Variants in ACSF3 observed in about 807,000 individuals in gnomAD.
ACSF3 encodes malonate--CoA ligase ACSF3, mitochondrial.
Under a neutral mutation model 53.2 loss-of-function variants are expected in ACSF3, and 78 were observed. The ratio of observed to expected loss-of-function variants is 1.47; its 90% CI spans 1.22 to 1.77. The LOEUF (loss-of-function observed/expected upper bound fraction) is 1.77. Ranked by LOEUF, ACSF3 falls within the 40% of genes most tolerant of loss-of-function variation. The probability of loss-of-function intolerance (pLI) is 0.00; values close to 1 mark genes in which losing one functional copy is unlikely to be tolerated. For synonymous variants in ACSF3, 414 were observed against 333.1 expected, an observed-to-expected ratio of 1.24 and a Z score of -2.65; for missense variants, 937 against 771.1, an observed-to-expected ratio of 1.22 and a Z score of -2.55.
intron 8 of ACSF3, among the ~76,000 whole-genome samples, chr16:89,134,749 T>TCGCTTTACTA (rs570144043): frequency 7.4e-4 from 112 of 152,346 alleles, no homozygotes; most frequent in African/African-American, 2.5e-3. Context: ...TTTAGTGAGC[T>TCGCTTTACTA]CGCTTTACTA....
At chr16:89,128,617 G>C (rs12102355) in intron 7 of ACSF3, among the ~76,000 whole-genome samples, 1 of 152,010 alleles carries the variant, frequency 6.6e-6, no homozygotes, top group Non-Finnish European at 1.5e-5. Flanking sequence ...TGTTCCTTAA[G>C]ACTTCCTCTT....
chr16:89,143,063 C>T (rs1912176624), intron 8 of ACSF3, among the ~76,000 whole-genome samples: 2 of 152,180 alleles, frequency 1.3e-5, no homozygotes, highest in Non-Finnish European at 2.9e-5. Flanking sequence ...GCTCCATAAA[C>T]CAAAAAGCAA....
intron 10 of ACSF3, among the ~76,000 whole-genome samples, chr16:89,146,298 A>G (rs1912943360): frequency 6.6e-6 from 1 of 152,142 alleles, no homozygotes; most frequent in South Asian, 2.1e-4. Context: ...CATTCCTGGG[A>G]CAGGGCCCTG....
At position 89,154,214 on chromosome 16, in the gene ACSF3, A is replaced by G. The variant is rs192297922; in HGVS notation, c.*7A>G. On this transcript the variant is annotated 3_prime_UTR_variant, in exon 11 of 11. Transcript: ENST00000614302. Reference sequence around the variant, plus strand: ...GCACTTCCACCCCTCATGACCCGGCAGACTGGGACTGCGGGTCTGGTGGGG... The same window carrying G: ...GCACTTCCACCCCTCATGACCCGGCGGACTGGGACTGCGGGTCTGGTGGGG... 3 of 1,612,452 alleles carry G rather than the reference A, an allele frequency of 1.9e-6. No individual in the cohort carries two copies. The East Asian group carries it at 6.7e-5, about 36-fold the overall frequency.
Position 89,108,576 on chromosome 16 carries a change from A to G in ACSF3, c.823-3516A>G, listed in dbSNP as rs561135512. On this transcript the variant is annotated intron_variant, in intron 4 of 10. Coordinates refer to ENST00000614302, the MANE Select transcript of ACSF3 (RefSeq NM_001243279.3). ...CATTCCCAGCCCCTGGCAACCACGA[A>G]TCTGCTTTCTGCCTCTAGGATTTCC... is the stretch of plus-strand genomic sequence containing the variant. Among the ~76,000 whole-genome samples the G allele has an allele frequency of 5.9e-5, 9 of 152,246 alleles. No individual in the cohort carries two copies. In the East Asian group the frequency reaches 9.7e-4, roughly 16 times the overall value.
In ACSF3 at chr16:89,154,753, C is replaced by A. The variant is rs1406700045; in HGVS notation, c.*546C>A. 1 of 454,040 alleles carries A rather than the reference C, an allele frequency of 2.2e-6. No homozygotes were observed. Among genetic ancestry groups the A allele is most frequent in the Non-Finnish European group, 4.4e-6 (1 of 226,810 alleles). The allele number at this position is 454,040 out of a possible 1,614,324, so 28.1% of individuals were successfully genotyped here. A position where few individuals can be genotyped will look rare whatever the true frequency, so the allele number is the denominator to read the frequency against. ...CTGTCCCATGGGTTCCGTGCATTTCCTGGTGCTGCTCTTGGAGGAGAGCAG... is the reference window on the plus strand; with the variant it reads ...CTGTCCCATGGGTTCCGTGCATTTCATGGTGCTGCTCTTGGAGGAGAGCAG... On this transcript the variant is annotated 3_prime_UTR_variant, in exon 11 of 11. Coordinates refer to ENST00000614302, the MANE Select transcript of ACSF3 (RefSeq NM_001243279.3).
chr16:89,114,808 G>T (rs982481812), intron 6 of ACSF3: 1 of 414,286 alleles, frequency 2.4e-6, no homozygotes, highest in East Asian at 5.4e-5. Context: ...GAAGGCGGGG[G>T]GCCATGCTGT....
At chr16:89,106,436 GC>G (rs1975995128) in intron 4 of ACSF3, among the ~76,000 whole-genome samples, 1 of 152,080 alleles carries the variant, frequency 6.6e-6, no homozygotes, top group Non-Finnish European at 1.5e-5. Context: ...GGGATTACAG[GC>G]ACCTGCCACC....
At chr16:89,119,763 T>A (rs1906156220) in intron 6 of ACSF3, among the ~76,000 whole-genome samples, 1 of 151,996 alleles carries the variant, frequency 6.6e-6, no homozygotes, top group South Asian at 2.1e-4. Flanking sequence ...ACCCCAGGTG[T>A]GGACAGGCCC....
In ACSF3 at chr16:89,145,913, T is replaced by A. The variant is rs748973432; in HGVS notation, c.1502-25T>A. The stretch of plus-strand genomic sequence containing the variant: ...AAGGGTCACTGAGGCATCCCCATGT[T>A]CTCAAACTGTTCTTCTATCCGCAGA... On this transcript the variant is annotated intron_variant, in intron 9 of 10. Transcript: ENST00000614302. The A allele has an allele frequency of 4.4e-6, 7 of 1,600,662 alleles. No homozygotes were observed. The South Asian group carries it at 7.7e-5, about 18-fold the overall frequency.
chr16:89,125,165 G>A (rs1402084267), intron 7 of ACSF3, among the ~76,000 whole-genome samples: 1 of 151,992 alleles, frequency 6.6e-6, no homozygotes, highest in African/African-American at 2.4e-5. Context: ...CCAAGATGAT[G>A]AAACCCGTCT....
chr16:89,100,529 G>C lies in ACSF3; in HGVS notation c.-20-133G>C, dbSNP rs755548219. On this transcript the variant is annotated intron_variant, in intron 2 of 10. Transcript: ENST00000614302. ...GAGAAAGGCTGGACGTGGCCTGTCT[G>C]GTGCGCTGCCTCATGACTGAAGGTG... is the stretch of plus-strand genomic sequence containing the variant. 7.7e-5 allele frequency: 68 copies of C among 882,662 alleles called. 1 individual carries two copies. Among genetic ancestry groups the C allele is most frequent in the Non-Finnish European group, 1.2e-4 (67 of 578,546 alleles). The allele number at this position is 882,662 out of a possible 1,614,324, so 54.7% of individuals were successfully genotyped here.
intron 10 of ACSF3, 200 bp from the exon 11 acceptor site, chr16:89,153,890 C>T: frequency 1.6e-6 from 1 of 616,960 alleles, no homozygotes; most frequent in Admixed American, 2.6e-5. Context: ...ATGCCGGGCA[C>T]CTCCTGCAGT....
At chr16:89,100,360 G>C (rs1975127326) in intron 2 of ACSF3, among the ~76,000 whole-genome samples, 1 of 152,228 alleles carries the variant, frequency 6.6e-6, no homozygotes, top group African/African-American at 2.4e-5. Context: ...CCTTAAGTGT[G>C]TTGAATTTTA....
chr16:89,099,483 A>G (rs1185714470), intron 2 of ACSF3, among the ~76,000 whole-genome samples: 1 of 152,168 alleles, frequency 6.6e-6, no homozygotes, highest in East Asian at 1.9e-4. Flanking sequence ...GAATTGCCTG[A>G]TTTAAAGCTT....
In ACSF3 at chr16:89,136,847, CACA is replaced by C. The variant is rs558819693; in HGVS notation, c.1366+3588_1366+3590del. 5.5e-6 allele frequency: 7 copies of C among 1,281,782 alleles called. No homozygotes were observed. The South Asian group carries it at 8.7e-5, about 16-fold the overall frequency. 79.4% of individuals were successfully genotyped at this position (1,281,782 alleles called of 1,614,324 possible). On this transcript the variant is annotated intron_variant, in intron 8 of 10. Coordinates refer to ENST00000614302, the MANE Select transcript of ACSF3 (RefSeq NM_001243279.3). Reference sequence around the variant, plus strand: ...TGTTTCAGGTAACTCCTCTGACGGCCACAACGATGTCTTCAGACGTCAAAGGTC... The same window carrying C: ...TGTTTCAGGTAACTCCTCTGACGGCCACGATGTCTTCAGACGTCAAAGGTC...
At chr16:89,142,245 C>T (rs553093555) in intron 8 of ACSF3, among the ~76,000 whole-genome samples, 2 of 152,284 alleles carry the variant, frequency 1.3e-5, no homozygotes, top group Non-Finnish European at 2.9e-5. Flanking sequence ...CAAGCTGCCC[C>T]CACCAGTCCT....
chr16:89,097,069 C>T (rs1474606001), intron 1 of ACSF3, among the ~76,000 whole-genome samples: 3 of 152,266 alleles, frequency 2.0e-5, no homozygotes, highest in African/African-American at 7.2e-5. Flanking sequence ...TCTTATTCTT[C>T]CGTGGCTTCG....
At chr16:89,113,985 G>A (rs1241429086) in intron 5 of ACSF3, 1 of 366,224 alleles carries the variant, frequency 2.7e-6, no homozygotes, top group Non-Finnish European at 5.3e-6. Context: ...GTGGTCGGCA[G>A]CTGCACGGTC....
Sources: allele counts gnomAD v4.1 joint callset (sites outside exome capture counted in the v4.1 genomes callset), GRCh38; gene constraint gnomAD v4.1.1; transcripts MANE v1.5; gene names NCBI Gene and HGNC (gene_info 2026-07-23, HGNC 2026-07-21).